Variants in SAE1 observed in about 807,000 individuals in gnomAD.
The protein encoded by SAE1 is SUMO-activating enzyme subunit 1.
SAE1 carries 11 observed loss-of-function variants against 40.6 expected under a neutral mutation model. The observed-to-expected ratio is 0.27, with a 90% CI of 0.17 to 0.45. The LOEUF (loss-of-function observed/expected upper bound fraction) is 0.45, where lower values mean the gene tolerates loss of function less well. Ranked by LOEUF, SAE1 falls within the 20% of genes least tolerant of loss-of-function variation. The pLI is 1.00. For synonymous variants in SAE1, 155 were observed against 154.3 expected (o/e 1.00, Z -0.03); for missense variants, 373 against 427.3 (o/e 0.87, Z 1.12).
At chr19:47,193,272 G>T (rs2058591241) in intron 6 of SAE1, among the ~76,000 whole-genome samples, 2 of 151,846 alleles carry the variant, frequency 1.3e-5, no homozygotes, top group Non-Finnish European at 2.9e-5. Context: ...TGTTGGCCAG[G>T]CTGGTCTTGA....
rs201521902 is a variant in SAE1 at position 47,150,257 on chromosome 19, G to A, written c.266G>A (p.Arg89Gln). Reference sequence around the variant, plus strand: ...TTGATTCGTACTGGGTCTGTTGGCCGAAATAGGGCTGAAGCCTCTTTGGAG... The same window carrying A: ...TTGATTCGTACTGGGTCTGTTGGCCAAAATAGGGCTGAAGCCTCTTTGGAG... ...QFLIRTGSVG[R>Q]NRAEASLERA... The change falls in exon 3 of 9, where the codon CGA becomes CAA. Residue 89 changes from arginine to glutamine, a missense_variant. This residue lies in a region of SAE1 where 351 missense variants were observed against 390.6 expected (regional missense o/e 0.90). Transcript: ENST00000270225. 47 of 1,613,270 alleles carry A rather than the reference G, an allele frequency of 2.9e-5. No individual in the cohort carries two copies. Among genetic ancestry groups the A allele is most frequent in the Non-Finnish European group, 3.5e-5 (41 of 1,179,778 alleles).
chr19:47,180,644 G>A (rs2058500066), intron 6 of SAE1, among the ~76,000 whole-genome samples: 1 of 151,976 alleles, frequency 6.6e-6, no homozygotes, highest in African/African-American at 2.4e-5. Context: ...GCAACAAAAC[G>A]AGACCCCATC....
At chr19:47,182,991 C>T (rs1035007600) in intron 6 of SAE1, among the ~76,000 whole-genome samples, 11 of 152,146 alleles carry the variant, frequency 7.2e-5, no homozygotes, top group Admixed American at 2.6e-4. Flanking sequence ...TCTTGGCTCA[C>T]TGCAACCTCT....
chr19:47,163,974 C>T (rs1171505182), intron 5 of SAE1, among the ~76,000 whole-genome samples: 6 of 150,970 alleles, frequency 4.0e-5, no homozygotes, highest in Admixed American at 6.6e-5. Context: ...TCACCTTGTT[C>T]GCCAGGCTGG....
At chr19:47,189,788 T>G (rs2058568316) in intron 6 of SAE1, among the ~76,000 whole-genome samples, 1 of 152,190 alleles carries the variant, frequency 6.6e-6, no homozygotes, top group Admixed American at 6.6e-5. Context: ...CTTTATTTTC[T>G]TCCTACTAAA....
At chr19:47,200,900 T>A (rs945982544) in intron 7 of SAE1, among the ~76,000 whole-genome samples, 1 of 152,090 alleles carries the variant, frequency 6.6e-6, no homozygotes, top group Non-Finnish European at 1.5e-5. Flanking sequence ...CTTTGTCACC[T>A]AGGCTAGAGT....
At position 47,137,155 on chromosome 19, in the gene SAE1, G is replaced by A. The variant is rs60424665; in HGVS notation, c.98+6127G>A. ...TGTAATCCCAGGACTTTGAGAGGCC[G>A]AGGTGGGTGGATCACCTGAGGTCAG... On this transcript the variant is annotated intron_variant, in intron 1 of 8. Transcript: ENST00000270225. 1.1e-3 allele frequency among the ~76,000 whole-genome samples: 175 copies of A among 152,182 alleles called. 1 individual carries two copies. The highest frequency in any genetic ancestry group is 4.0e-3 in the African/African-American group (166 of 41,536).
intron 6 of SAE1, among the ~76,000 whole-genome samples, chr19:47,176,505 G>C (rs1237947971): frequency 6.6e-5 from 10 of 152,176 alleles, no homozygotes; most frequent in Admixed American, 6.5e-4. Flanking sequence ...AGTGGTTTTT[G>C]CTTGTCTGGT....
chr19:47,202,626 A>G (rs1388288766), intron 7 of SAE1, among the ~76,000 whole-genome samples: 1 of 151,236 alleles, frequency 6.6e-6, no homozygotes, highest in Non-Finnish European at 1.5e-5. Flanking sequence ...AAAAATGTCT[A>G]GAAGGGGCTG....
At chr19:47,177,870 G>C (rs1280812598) in intron 6 of SAE1, among the ~76,000 whole-genome samples, 1 of 152,130 alleles carries the variant, frequency 6.6e-6, no homozygotes, top group African/African-American at 2.4e-5. Flanking sequence ...CACATGCACA[G>C]GGCCAGCAGG....
intron 3 of SAE1, 128 bp from the exon 4 acceptor site, chr19:47,152,770 T>C (rs951368339): frequency 1.2e-6 from 1 of 827,348 alleles, no homozygotes; most frequent in African/African-American, 1.7e-5. Context: ...CCAAAGAACC[T>C]GTTGTACCAG....
At chr19:47,136,617 T>G (rs1203641605) in intron 1 of SAE1, among the ~76,000 whole-genome samples, 1 of 150,706 alleles carries the variant, frequency 6.6e-6, no homozygotes, top group East Asian at 2.0e-4. Flanking sequence ...TGGTTCAGCC[T>G]CCCAAGTAGC....
At chr19:47,198,223 A>C (rs1217572859) in intron 7 of SAE1, among the ~76,000 whole-genome samples, 1 of 151,864 alleles carries the variant, frequency 6.6e-6, no homozygotes, top group African/African-American at 2.4e-5. Context: ...GATTCTCCTA[A>C]CTCAGCCTTT....
intron 5 of SAE1, among the ~76,000 whole-genome samples, chr19:47,160,244 CAG>C (rs1187695120): frequency 1.0e-5 from 1 of 96,736 alleles, no homozygotes; most frequent in East Asian, 3.5e-4. Flanking sequence ...TTTTTTGAGA[CAG>C]AGTCTCACTC....
intron 6 of SAE1, among the ~76,000 whole-genome samples, chr19:47,177,938 C>G (rs1261668677): frequency 2.0e-5 from 3 of 152,060 alleles, no homozygotes; most frequent in Non-Finnish European, 2.9e-5. Flanking sequence ...AGTGGTTTCC[C>G]TATTGATAGA....
intron 8 of SAE1, among the ~76,000 whole-genome samples, chr19:47,207,028 G>A (rs2058690085): frequency 6.6e-6 from 1 of 152,168 alleles, no homozygotes. Flanking sequence ...GGGTGCAGTA[G>A]CTCATGCCTG....
At chr19:47,178,735 G>T (rs1458945755) in intron 6 of SAE1, among the ~76,000 whole-genome samples, 2 of 152,160 alleles carry the variant, frequency 1.3e-5, no homozygotes. Context: ...GGCCTTCCAG[G>T]TGCTGAGTTT....
intron 8 of SAE1, among the ~76,000 whole-genome samples, chr19:47,206,993 A>T (rs1190966386): frequency 1.3e-5 from 2 of 152,170 alleles, no homozygotes; most frequent in African/African-American, 4.8e-5. Context: ...CATAGAGTAG[A>T]TGCTTAATAA....
intron 5 of SAE1, among the ~76,000 whole-genome samples, chr19:47,166,801 C>T (rs1477295152): frequency 6.6e-6 from 1 of 152,072 alleles, no homozygotes; most frequent in Non-Finnish European, 1.5e-5. Context: ...TGTCACCAGG[C>T]CGACTTCATG....
Sources: gnomAD v4.1 joint callset for allele counts (sites outside exome capture counted in the v4.1 genomes callset) on GRCh38, gnomAD v4.1.1 for gene constraint, gnomAD v4.1.1 regional missense constraint, MANE v1.5 for transcripts, NCBI Gene and HGNC (gene_info 2026-07-23, HGNC 2026-07-21) for gene names.